The following LPGAT1 variants were observed in gnomAD, a reference collection of about 807,000 sequenced individuals.
LPGAT1 encodes the protein lysophosphatidylglycerol acyltransferase 1, also known as acyl-CoA:lysophosphatidylglycerol acyltransferase 1.
In LPGAT1, 11 loss-of-function variants were observed where a neutral mutation model predicts 47.5. That is an observed-to-expected ratio of 0.23 (90% CI 0.15 to 0.38). The LOEUF is 0.38. Ranked by LOEUF, LPGAT1 falls within the 10% of genes least tolerant of loss-of-function variation. The probability of loss-of-function intolerance (pLI) is 1.00; values close to 1 mark genes in which losing one functional copy is unlikely to be tolerated. For synonymous variants in LPGAT1, 138 were observed against 144.2 expected (o/e 0.96, Z 0.31); for missense variants, 293 against 439.0 (o/e 0.67, Z 2.97).
intron 2 of LPGAT1, among the ~76,000 whole-genome samples, chr1:211,812,165 T>C (rs1254212478): frequency 1.3e-5 from 2 of 152,224 alleles, no homozygotes; most frequent in African/African-American, 4.8e-5. Context: ...TGGTTATCTG[T>C]GTTGGCACAG....
intron 2 of LPGAT1, among the ~76,000 whole-genome samples, chr1:211,828,500 AT>A (rs1031213101): frequency 2.0e-5 from 3 of 152,190 alleles, no homozygotes; most frequent in Admixed American, 6.5e-5. Flanking sequence ...AGTTAACTTA[AT>A]TTTTTATATT....
chr1:211,774,052 C>T (rs1658284818), intron 6 of LPGAT1, among the ~76,000 whole-genome samples: 1 of 150,112 alleles, frequency 6.7e-6, no homozygotes, highest in Non-Finnish European at 1.5e-5. Flanking sequence ...AAACACCAGA[C>T]TTACCAATAA....
chr1:211,827,130 T>C (rs1660565792), intron 2 of LPGAT1, among the ~76,000 whole-genome samples: 1 of 152,248 alleles, frequency 6.6e-6, no homozygotes, highest in Non-Finnish European at 1.5e-5. Context: ...ATTCTACCTA[T>C]AGGAAAACCT....
intron 2 of LPGAT1, among the ~76,000 whole-genome samples, chr1:211,803,366 GGGAA>G (rs1659643227): frequency 6.6e-6 from 1 of 152,202 alleles, no homozygotes; most frequent in South Asian, 2.1e-4. Flanking sequence ...CAGGATGATA[GGGAA>G]GGAAGATAAT....
intron 2 of LPGAT1, among the ~76,000 whole-genome samples, chr1:211,818,455 T>C (rs1278290880): frequency 6.6e-6 from 1 of 152,216 alleles, no homozygotes; most frequent in Non-Finnish European, 1.5e-5. Flanking sequence ...AATGTGGAAT[T>C]TGTTTTCATG....
intron 6 of LPGAT1, among the ~76,000 whole-genome samples, chr1:211,760,745 C>T (rs775189454): frequency 1.3e-5 from 2 of 152,132 alleles, no homozygotes; most frequent in Non-Finnish European, 2.9e-5. Context: ...AATAAAGCTC[C>T]GCAATTCTTA....
intron 3 of LPGAT1, among the ~76,000 whole-genome samples, chr1:211,788,606 C>T (rs1280327464): frequency 2.0e-5 from 3 of 151,588 alleles, no homozygotes; most frequent in African/African-American, 4.9e-5. Flanking sequence ...TGCTTGAACC[C>T]GGGAGGCACA....
intron 3 of LPGAT1, among the ~76,000 whole-genome samples, chr1:211,791,861 T>C (rs372450624): frequency 6.6e-6 from 1 of 150,872 alleles, no homozygotes; most frequent in Admixed American, 6.6e-5. Flanking sequence ...AGATGAATTG[T>C]ATCTTACAGG....
At chr1:211,796,463 C>A (rs1340420508) in intron 2 of LPGAT1, among the ~76,000 whole-genome samples, 1 of 152,156 alleles carries the variant, frequency 6.6e-6, no homozygotes, top group Non-Finnish European at 1.5e-5. Context: ...TGGTGGACAA[C>A]CACCAGAAGA....
At chr1:211,827,734 A>G (rs957262920) in intron 2 of LPGAT1, among the ~76,000 whole-genome samples, 1 of 152,188 alleles carries the variant, frequency 6.6e-6, no homozygotes, top group East Asian at 1.9e-4. Context: ...TACCACTGCT[A>G]TTGCTACCAC....
rs545317754 is a variant in LPGAT1, at chr1:211,803,766, T to TTC, written c.239-10577_239-10576insGA. On this transcript the variant is annotated intron_variant, in intron 2 of 7. Coordinates refer to ENST00000366997, the MANE Select transcript of LPGAT1 (RefSeq NM_014873.3). ...TATTTATTTTTCAGTTTTTCTTTCTTTTTTTTTTTTTTTTGACACAGTCTT... is the reference window on the plus strand; with the variant it reads ...TATTTATTTTTCAGTTTTTCTTTCTTTCTTTTTTTTTTTTTTGACACAGTCTT... 6.1e-4 allele frequency among the ~76,000 whole-genome samples: 88 copies of TTC among 143,134 alleles called. 1 individual carries two copies. In the South Asian group the frequency reaches 0.018, roughly 30 times the overall value. The allele number at this position is 143,134 out of a possible 152,430, so 93.9% of individuals were successfully genotyped here. A position where few individuals can be genotyped will look rare whatever the true frequency, so the allele number is the denominator to read the frequency against.
chr1:211,757,750 G>A (rs919577634), intron 6 of LPGAT1, among the ~76,000 whole-genome samples: 3 of 152,190 alleles, frequency 2.0e-5, no homozygotes, highest in African/African-American at 4.8e-5. Flanking sequence ...TTCAAATGAA[G>A]AGTCTCTGCC....
At position 211,829,181 on chromosome 1, in the gene LPGAT1, T is replaced by C. The variant is rs780865326; in HGVS notation, c.116A>G (p.Tyr39Cys). ...NLVAIPSYIC[Y>C]VIILQPLRVL... is the part of the protein sequence containing the mutation. ...TCGAAGGGGCTGAAGTATAATTACA[T>C]AGCAGATGTAGGATGGAATAGCAAC... Residue 39 changes from tyrosine (Y) to cysteine (C), a missense_variant, in exon 2 of 8, where the codon TAT becomes TGT. Tyr to Cys is a radical substitution (Grantham distance 194, BLOSUM62 -2). Coordinates refer to ENST00000366997, the MANE Select transcript of LPGAT1 (RefSeq NM_014873.3). The C allele has an allele frequency of 1.9e-5, 31 of 1,614,180 alleles. No homozygotes were observed. The highest frequency in any genetic ancestry group is 1.5e-4 in the Admixed American group (9 of 60,020).
intron 6 of LPGAT1, among the ~76,000 whole-genome samples, chr1:211,775,583 T>G (rs578175440): frequency 6.6e-6 from 1 of 152,296 alleles, no homozygotes; most frequent in African/African-American, 2.4e-5. Flanking sequence ...TTAATACTTA[T>G]GAATTGTTAA....
At chr1:211,762,118 TA>T (rs1657723735) in intron 6 of LPGAT1, among the ~76,000 whole-genome samples, 1 of 152,192 alleles carries the variant, frequency 6.6e-6, no homozygotes, top group Non-Finnish European at 1.5e-5. Flanking sequence ...CTAATCAACT[TA>T]AGGATAACTT....
At chr1:211,813,731 A>G (rs1201471931) in intron 2 of LPGAT1, among the ~76,000 whole-genome samples, 2 of 152,242 alleles carry the variant, frequency 1.3e-5, no homozygotes, top group South Asian at 2.1e-4. Flanking sequence ...GTTGATTGCA[A>G]ATGTTCATCT....
chr1:211,826,842 A>G (rs754851890), intron 2 of LPGAT1, among the ~76,000 whole-genome samples: 1 of 152,214 alleles, frequency 6.6e-6, no homozygotes, highest in Admixed American at 6.5e-5. Context: ...GCAATGTTCA[A>G]TTTTCCATCT....
At position 211,787,643 on chromosome 1, in the gene LPGAT1, AG is replaced by A. The variant is rs1658940576; in HGVS notation, c.441del (p.Phe148LeufsTer2). ...TGCTCATTACTTACCTGTCTTATAA[AG>A]AAGTCTCCATGAACTAGAGAAACAA... ...FGIVSLVHGD[F>X]FIRQGRSYRD... On this transcript the variant is annotated frameshift_variant, in exon 4 of 8. Coordinates refer to ENST00000366997, the MANE Select transcript of LPGAT1 (RefSeq NM_014873.3). LOFTEE classifies it high-confidence loss of function. 1 of 1,584,372 alleles carries A rather than the reference AG, an allele frequency of 6.3e-7. No individual in the cohort carries two copies. The highest frequency in any genetic ancestry group is 8.6e-7 in the Non-Finnish European group (1 of 1,156,176).
At chr1:211,802,907 T>C (rs1012539390) in intron 2 of LPGAT1, 2 of 152,026 alleles carry the variant, frequency 1.3e-5, no homozygotes, top group Admixed American at 6.6e-5. Context: ...AGAGGACACA[T>C]ATAAGGATAA....
Sources: allele counts gnomAD v4.1 joint callset (sites outside exome capture counted in the v4.1 genomes callset), GRCh38; gene constraint gnomAD v4.1.1; transcripts MANE v1.5; gene names NCBI Gene and HGNC (gene_info 2026-07-23, HGNC 2026-07-21).